RPA4: variants seen among roughly 807,000 people sequenced by gnomAD.
The protein encoded by RPA4 is replication protein A 30 kDa subunit.
For synonymous variants in RPA4, 88 were observed against 84.4 expected (o/e 1.04, Z -0.23); for missense variants, 229 against 215.5 (o/e 1.06, Z -0.39).
chrX:96,884,728 CT>C lies in RPA4; in HGVS notation c.420del (p.Glu141ArgfsTer3). The C allele has an allele frequency of 8.3e-7, 1 of 1,210,481 alleles. No individual in the cohort carries two copies. The highest frequency in any genetic ancestry group is 1.1e-6 in the Non-Finnish European group (1 of 894,862). Reference sequence around the variant, plus strand: ...CAAATGTCCCACGGGAACAAAGAGCCTTGAGGTATTGAAAATTCATGTCCTA... The same window carrying C: ...CAAATGTCCCACGGGAACAAAGAGCCTGAGGTATTGAAAATTCATGTCCTA... ...ILKCPTGTKS[L>X]EVLKIHVLED... is the part of the protein sequence containing the mutation. On this transcript the variant is annotated frameshift_variant, in exon 1 of 1. Transcript: ENST00000373040. LOFTEE classifies it low-confidence loss of function (END_TRUNC).
At position 96,885,250 on chromosome X, in the gene RPA4, C is replaced by T. The variant is rs1245206894; in HGVS notation, c.*154C>T. ...GCTTTTCTAACTGCTTTGAACTTTT[C>T]GGATTTTCTGTATTTGAAGCTCAGA... On this transcript the variant is annotated 3_prime_UTR_variant, in exon 1 of 1. Transcript: ENST00000373040. 1.7e-5 allele frequency: 8 copies of T among 479,201 alleles called. No individual in the cohort carries two copies. The highest frequency in any genetic ancestry group is 4.2e-5 in the Admixed American group (1 of 23,961). 39.5% of individuals were successfully genotyped at this position (479,201 alleles called of 1,213,427 possible). A position where few individuals can be genotyped will look rare whatever the true frequency, so the allele number is the denominator to read the frequency against.
In RPA4 at chrX:96,885,275, A is replaced by G; in HGVS notation, c.*179A>G. The stretch of plus-strand genomic sequence containing the variant: ...CGGATTTTCTGTATTTGAAGCTCAG[A>G]GAGAGACGGTGATGGATAAATTGAC... On this transcript the variant is annotated 3_prime_UTR_variant, in exon 1 of 1. Transcript: ENST00000373040. The G allele has an allele frequency of 2.3e-6, 1 of 440,872 alleles. No homozygotes were observed. The allele number at this position is 440,872 out of a possible 1,213,427, so 36.3% of individuals were successfully genotyped here. A position where few individuals can be genotyped will look rare whatever the true frequency, so the allele number is the denominator to read the frequency against.
chrX:96,884,594 A>G lies in RPA4; in HGVS notation c.284A>G (p.Asp95Gly), dbSNP rs2065245175. 3 of 1,208,137 alleles carry G rather than the reference A, an allele frequency of 2.5e-6. No individual in the cohort carries two copies. Among genetic ancestry groups the G allele is most frequent in the African/African-American group, 1.8e-5 (1 of 56,620 alleles). The stretch of plus-strand genomic sequence containing the variant: ...TCAAATCACATTTGTTACAAAATTG[A>G]TGATATGACCGCGAAACCAATCGAG... The part of the protein sequence containing the change: ...KASNHICYKI[D>G]DMTAKPIEAR... The change falls in exon 1 of 1, where the codon GAT (aspartate) becomes GGT (glycine). Residue 95 changes from aspartate (D) to glycine (G), a missense_variant. By Grantham distance (94) the Asp-to-Gly change is moderately conservative. Coordinates refer to ENST00000373040, the MANE Select transcript of RPA4 (RefSeq NM_013347.4).
chrX:96,884,190 T>A lies in RPA4; in HGVS notation c.-121T>A. On this transcript the variant is annotated 5_prime_UTR_variant, in exon 1 of 1. Transcript: ENST00000373040. Reference sequence around the variant, plus strand: ...AGCCTCCCAGCATTCAATCGTAGCCTTTCGGACAGCTCGAAGCCTTCTGTG... The same window carrying A: ...AGCCTCCCAGCATTCAATCGTAGCCATTCGGACAGCTCGAAGCCTTCTGTG... The A allele has an allele frequency of 1.8e-6, 1 of 556,185 alleles. No individual in the cohort carries two copies. Among genetic ancestry groups the A allele is most frequent in the Non-Finnish European group, 2.8e-6 (1 of 354,521 alleles). The allele number at this position is 556,185 out of a possible 1,213,427, so 45.8% of individuals were successfully genotyped here.
rs753188760 is a variant in RPA4 at position 96,884,050 on chromosome X, A to T, written c.-261A>T. ...CTTTTAGAATGTAGCAACCACTGAC[A>T]CACAGGGAAGGATTATGCGATCAGG... is the stretch of plus-strand genomic sequence containing the variant. On this transcript the variant is annotated 5_prime_UTR_variant, in exon 1 of 1. Transcript: ENST00000373040. 5 of 299,698 alleles carry T rather than the reference A, an allele frequency of 1.7e-5. No homozygotes were observed. The highest frequency in any genetic ancestry group is 1.4e-4 in the African/African-American group (5 of 36,869). The allele number at this position is 299,698 out of a possible 1,213,427, so 24.7% of individuals were successfully genotyped here.
chrX:96,885,449 C>CAAAAAAAAAAAAAAAAAA (rs60706314), exon 1 of RPA4: 1 of 34,256 alleles, frequency 2.9e-5, no homozygotes, highest in Non-Finnish European at 4.9e-5. Context: ...AGCGAAAAGA[C>CAAAAAAAAAAAAAAAAAA]AAAAAAAAAA....
In RPA4 at chrX:96,885,158, C is replaced by T; in HGVS notation, c.*62C>T. ...TGCATCCAGCTGTGAGTAATTTTGA[C>T]CTGTTGACTTTTTAGGAAGTAGGAC... On this transcript the variant is annotated 3_prime_UTR_variant, in exon 1 of 1. Coordinates refer to ENST00000373040, the MANE Select transcript of RPA4 (RefSeq NM_013347.4). 2 of 1,012,024 alleles carry T rather than the reference C, an allele frequency of 2.0e-6. No individual in the cohort carries two copies. The highest frequency in any genetic ancestry group is 2.7e-6 in the Non-Finnish European group (2 of 742,080). 83.4% of individuals were successfully genotyped at this position (1,012,024 alleles called of 1,213,427 possible).
Position 96,885,072 on chromosome X carries a change from G to C in RPA4, c.762G>C (p.Arg254=). ...VEGHIYPTVD[R]EHFKSAD ...GCCACATCTATCCCACTGTGGATCG[G>C]GAGCATTTTAAGTCTGCTGATTGAG... Residue 254 remains arginine, a synonymous_variant, in exon 1 of 1, where the codon CGG becomes CGC. Coordinates refer to ENST00000373040, the MANE Select transcript of RPA4 (RefSeq NM_013347.4). 8.3e-7 allele frequency: 1 copy of C among 1,208,304 alleles called. No individual in the cohort carries two copies. The highest frequency in any genetic ancestry group is 1.1e-6 in the Non-Finnish European group (1 of 893,296).
In RPA4 at chrX:96,884,244, CAA is replaced by C; in HGVS notation, c.-65_-64del. The C allele has an allele frequency of 9.7e-7, 1 of 1,029,578 alleles. No homozygotes were observed. 84.8% of individuals were successfully genotyped at this position (1,029,578 alleles called of 1,213,427 possible). A position where few individuals can be genotyped will look rare whatever the true frequency, so the allele number is the denominator to read the frequency against. On this transcript the variant is annotated 5_prime_UTR_variant, in exon 1 of 1. Coordinates refer to ENST00000373040, the MANE Select transcript of RPA4 (RefSeq NM_013347.4). ...AGCTCGAAGCCTTCTGTGGAGAACT[CAA>C]AGCCGTCCGTGGAGCCCCAGACGAG...
rs2065249315 is a variant in RPA4 at position 96,884,947 on chromosome X, C to T, written c.637C>T (p.Pro213Ser). The change falls in exon 1 of 1, where the codon CCT becomes TCT. Residue 213 changes from proline (P) to serine (S), a missense_variant. Transcript: ENST00000373040. ...AGTGCTGCGTTTGATTCATGAGTGT[C>T]CTCATCAGGAAGGGAAGAGCATCCA... The part of the protein sequence containing the change: ...DEVLRLIHEC[P>S]HQEGKSIHEL... 8.3e-7 allele frequency: 1 copy of T among 1,211,174 alleles called. No individual in the cohort carries two copies. Among genetic ancestry groups the T allele is most frequent in the Non-Finnish European group, 1.1e-6 (1 of 895,373 alleles).
In RPA4 at chrX:96,885,093, T is replaced by C; in HGVS notation, c.783T>C (p.Asp261=). ...TVDREHFKSA[D] ...ATCGGGAGCATTTTAAGTCTGCTGA[T>C]TGAGGCAGGGAAAACATCCTTTCAT... Residue 261 remains aspartate (D), a synonymous_variant, in exon 1 of 1, where the codon GAT becomes GAC. Coordinates refer to ENST00000373040, the MANE Select transcript of RPA4 (RefSeq NM_013347.4). 1 of 1,200,907 alleles carries C rather than the reference T, an allele frequency of 8.3e-7. No homozygotes were observed. The highest frequency in any genetic ancestry group is 3.0e-5 in the East Asian group (1 of 33,668).
Position 96,884,586 on chromosome X carries a change from C to A in RPA4, c.276C>A (p.Tyr92Ter). ...AGAAGGCTTCAAATCACATTTGTTACAAAATTGATGATATGACCGCGAAAC... is the reference window on the plus strand; with the variant it reads ...AGAAGGCTTCAAATCACATTTGTTAAAAAATTGATGATATGACCGCGAAAC... ...GAEKASNHIC[Y>*]KIDDMTAKPI... Residue 92 changes from tyrosine to a stop codon, truncating the protein, a stop_gained, in exon 1 of 1, where the codon TAC becomes TAA. Transcript: ENST00000373040. LOFTEE classifies it low-confidence loss of function (END_TRUNC). The A allele has an allele frequency of 8.3e-7, 1 of 1,210,629 alleles. No individual in the cohort carries two copies. The highest frequency in any genetic ancestry group is 1.1e-6 in the Non-Finnish European group (1 of 895,298).
At position 96,884,715 on chromosome X, in the gene RPA4, G is replaced by A. The variant is rs1307148969; in HGVS notation, c.405G>A (p.Thr135=). The A allele has an allele frequency of 4.1e-6, 5 of 1,208,063 alleles. No homozygotes were observed. Among genetic ancestry groups the A allele is most frequent in the Admixed American group, 4.4e-5 (2 of 45,500 alleles). Residue 135 remains threonine, a synonymous_variant, in exon 1 of 1, where the codon ACG becomes ACA. Coordinates refer to ENST00000373040, the MANE Select transcript of RPA4 (RefSeq NM_013347.4). ...VKVFGILKCP[T]GTKSLEVLKI... ...TGTTTGGTATCCTCAAATGTCCCAC[G>A]GGAACAAAGAGCCTTGAGGTATTGA...
In RPA4 at chrX:96,885,236, T is replaced by C; in HGVS notation, c.*140T>C. ...TTTGTCAACTCGCTGCTTTTCTAAC[T>C]GCTTTGAACTTTTCGGATTTTCTGT... On this transcript the variant is annotated 3_prime_UTR_variant, in exon 1 of 1. Transcript: ENST00000373040. The C allele has an allele frequency of 2.0e-6, 1 of 511,152 alleles. No homozygotes were observed. Among genetic ancestry groups the C allele is most frequent in the Non-Finnish European group, 3.2e-6 (1 of 309,126 alleles). 42.1% of individuals were successfully genotyped at this position (511,152 alleles called of 1,213,427 possible). A position where few individuals can be genotyped will look rare whatever the true frequency, so the allele number is the denominator to read the frequency against.
Position 96,885,195 on chromosome X carries a change from ATCTC to A in RPA4, c.*100_*103del. On this transcript the variant is annotated 3_prime_UTR_variant, in exon 1 of 1. Transcript: ENST00000373040. The stretch of plus-strand genomic sequence containing the variant: ...TTAGGAAGTAGGACTAAAAAAAAAA[ATCTC>A]AAGTGGCATTCTTTGTCAACTCGCT... 1.4e-6 allele frequency: 1 copy of A among 698,529 alleles called. No homozygotes were observed. Among genetic ancestry groups the A allele is most frequent in the Non-Finnish European group, 2.1e-6 (1 of 469,748 alleles). 57.6% of individuals were successfully genotyped at this position (698,529 alleles called of 1,213,427 possible).
Position 96,885,307 on chromosome X carries a change from G to T in RPA4, c.*211G>T, listed in dbSNP as rs1332686897. 1.1e-5 allele frequency: 4 copies of T among 363,501 alleles called. No homozygotes were observed. The highest frequency in any genetic ancestry group is 1.9e-5 in the Non-Finnish European group (4 of 206,892). 30.0% of individuals were successfully genotyped at this position (363,501 alleles called of 1,213,427 possible). Reference sequence around the variant, plus strand: ...CGGTGATGGATAAATTGACAACTCTGTAGGATTTACTAGCAAGCTAATGGA... The same window carrying T: ...CGGTGATGGATAAATTGACAACTCTTTAGGATTTACTAGCAAGCTAATGGA... On this transcript the variant is annotated 3_prime_UTR_variant, in exon 1 of 1. Coordinates refer to ENST00000373040, the MANE Select transcript of RPA4 (RefSeq NM_013347.4).
At position 96,884,479 on chromosome X, in the gene RPA4, T is replaced by C. The variant is rs1444995303; in HGVS notation, c.169T>C (p.Ser57Pro). Reference protein sequence around the residue: ...VPCNVNQLLSSTVFDPVFKVR... With the variant: ...VPCNVNQLLSPTVFDPVFKVR... ...GTGTAATGTGAACCAGCTTCTCAGCTCTACTGTGTTTGACCCTGTGTTCAA... is the reference window on the plus strand; with the variant it reads ...GTGTAATGTGAACCAGCTTCTCAGCCCTACTGTGTTTGACCCTGTGTTCAA... Residue 57 changes from serine to proline, a missense_variant, in exon 1 of 1, where the codon TCT (serine) becomes CCT (proline). Coordinates refer to ENST00000373040, the MANE Select transcript of RPA4 (RefSeq NM_013347.4). The C allele has an allele frequency of 2.3e-5, 28 of 1,209,132 alleles. No homozygotes were observed. Among genetic ancestry groups the C allele is most frequent in the Admixed American group, 4.4e-5 (2 of 45,561 alleles).
rs1284398168 is a variant in RPA4, at chrX:96,884,435, G to A, written c.125G>A (p.Arg42Gln). The change falls in exon 1 of 1, where the codon CGA becomes CAA. Residue 42 changes from arginine (R) to glutamine (Q), a missense_variant. By Grantham distance (43) the Arg-to-Gln change is conservative. Transcript: ENST00000373040. ...PAIKTQRPKVRIQDVVPCNVN... is the reference protein window; with the variant it reads ...PAIKTQRPKVQIQDVVPCNVN... ...ATTAAGACCCAAAGACCTAAGGTCC[G>A]AATTCAGGACGTTGTACCGTGTAAT... 4 of 1,211,090 alleles carry A rather than the reference G, an allele frequency of 3.3e-6. No homozygotes were observed. The highest frequency in any genetic ancestry group is 4.5e-6 in the Non-Finnish European group (4 of 895,273).
chrX:96,884,236 G>A lies in RPA4; in HGVS notation c.-75G>A. ...CTGTGGAGAGCTCGAAGCCTTCTGT[G>A]GAGAACTCAAAGCCGTCCGTGGAGC... On this transcript the variant is annotated 5_prime_UTR_variant, in exon 1 of 1. Coordinates refer to ENST00000373040, the MANE Select transcript of RPA4 (RefSeq NM_013347.4). 4.3e-6 allele frequency: 4 copies of A among 921,595 alleles called. No homozygotes were observed. The highest frequency in any genetic ancestry group is 1.5e-6 in the Non-Finnish European group (1 of 664,369). The allele number at this position is 921,595 out of a possible 1,213,427, so 75.9% of individuals were successfully genotyped here. A position where few individuals can be genotyped will look rare whatever the true frequency, so the allele number is the denominator to read the frequency against.
Sources: gnomAD v4.1 joint callset for allele counts on GRCh38, gnomAD v4.1.1 for gene constraint, MANE v1.5 for transcripts, NCBI Gene and HGNC (gene_info 2026-07-23, HGNC 2026-07-21) for gene names.